Variants in TNFSF11 observed in about 807,000 individuals in gnomAD.
TNFSF11 encodes TNF superfamily member 11.
In TNFSF11, 12 loss-of-function variants were observed where a neutral mutation model predicts 32.2. The ratio of observed to expected loss-of-function variants is 0.37; its 90% confidence interval spans 0.24 to 0.60. The LOEUF (loss-of-function observed/expected upper bound fraction) is 0.60, where lower values mean the gene tolerates loss of function less well. Among genes scored for constraint, TNFSF11 ranks in the 20% least tolerant of loss-of-function variants. TNFSF11 has a pLI of 0.66. For synonymous variants in TNFSF11, 172 were observed against 152.1 expected (o/e 1.13, Z -0.96); for missense variants, 345 against 398.0 (o/e 0.87, Z 1.13).
At chr13:42,565,712 C>G (rs543683032) in intron 1 of TNFSF11, among the ~76,000 whole-genome samples, 1 of 151,884 alleles carries the variant, frequency 6.6e-6, no homozygotes, top group Non-Finnish European at 1.5e-5. Flanking sequence ...TTGTAAAGAG[C>G]CTGGACTTTA....
chr13:42,603,131 T>C (rs765232916), intron 4 of TNFSF11, among the ~76,000 whole-genome samples: 4 of 152,192 alleles, frequency 2.6e-5, no homozygotes, highest in Non-Finnish European at 5.9e-5. Context: ...AATTTGCATG[T>C]TCATTTTGGG....
intron 1 of TNFSF11, among the ~76,000 whole-genome samples, chr13:42,565,211 AATAT>A (rs71696265): frequency 2.5e-4 from 4 of 16,106 alleles, no homozygotes; most frequent in African/African-American, 2.7e-4. Flanking sequence ...TAACTTTTAA[AATAT>A]ATATATATAT....
intron 2 of TNFSF11, among the ~76,000 whole-genome samples, chr13:42,588,305 T>C (rs1594469212): frequency 6.6e-6 from 1 of 152,188 alleles, no homozygotes; most frequent in Non-Finnish European, 1.5e-5. Flanking sequence ...GGGAAGAAGG[T>C]AGGAAGCAGG....
In TNFSF11 at chr13:42,606,555, C is replaced by A. The variant is rs151215329; in HGVS notation, c.591C>A (p.Ser197=). 6.3e-5 allele frequency: 102 copies of A among 1,614,052 alleles called. No homozygotes were observed. The African/African-American group carries it at 1.3e-3, about 21-fold the overall frequency. Residue 197 remains serine (S), a synonymous_variant, in exon 5 of 5, where the codon TCC becomes TCA. Coordinates refer to ENST00000398795, the MANE Select transcript of TNFSF11 (RefSeq NM_003701.4). The part of the protein sequence containing the change: ...WYHDRGWAKI[S]NMTFSNGKLI... Reference sequence around the variant, plus strand: ...ATGATCGGGGTTGGGCCAAGATCTCCAACATGACTTTTAGCAATGGAAAAC... The same window carrying A: ...ATGATCGGGGTTGGGCCAAGATCTCAAACATGACTTTTAGCAATGGAAAAC...
At position 42,580,466 on chromosome 13, in the gene TNFSF11, C is replaced by T. The variant is rs188114358; in HGVS notation, c.220-660C>T. Among the ~76,000 whole-genome samples the T allele has an allele frequency of 1.9e-3, 283 of 152,286 alleles. 1 individual carries two copies. The highest frequency in any genetic ancestry group is 3.3e-3 in the Non-Finnish European group (224 of 68,024). On this transcript the variant is annotated intron_variant, in intron 1 of 4. Transcript: ENST00000398795. ...CCTAACGTGATGACACCAAATATCA[C>T]CTGCATCCATTCCCAAACACCCGCT...
chr13:42,577,066 A>G (rs948470741), intron 1 of TNFSF11, among the ~76,000 whole-genome samples: 2 of 152,192 alleles, frequency 1.3e-5, no homozygotes, highest in Non-Finnish European at 2.9e-5. Flanking sequence ...TTTGATTCCC[A>G]CTAAAGTTGT....
intron 2 of TNFSF11, among the ~76,000 whole-genome samples, chr13:42,581,778 T>C (rs962508246): frequency 1.5e-4 from 23 of 152,186 alleles, no homozygotes; most frequent in African/African-American, 4.8e-4. Context: ...TCATCTGTGG[T>C]GAAGTAGGCA....
At chr13:42,604,943 C>T (rs1362745321) in intron 4 of TNFSF11, among the ~76,000 whole-genome samples, 1 of 152,064 alleles carries the variant, frequency 6.6e-6, no homozygotes, top group East Asian at 1.9e-4. Context: ...GCCACCGCGC[C>T]CAGCTAATTT....
chr13:42,592,215 G>T (rs533373747), intron 2 of TNFSF11, among the ~76,000 whole-genome samples: 1 of 152,278 alleles, frequency 6.6e-6, no homozygotes, highest in South Asian at 2.1e-4. Context: ...GCCCCAACAG[G>T]TTAAAGGCTC....
chr13:42,572,106 T>C (rs571229409), upstream of TNFSF11, among the ~76,000 whole-genome samples: 1 of 152,190 alleles, frequency 6.6e-6, no homozygotes, highest in Non-Finnish European at 1.5e-5. Flanking sequence ...GACAGTGGAG[T>C]ATCTAATACA....
At chr13:42,562,825 G>A (rs1399859200) in exon 1 of TNFSF11, 1 of 152,188 alleles carries the variant, frequency 6.6e-6, no homozygotes, top group Admixed American at 6.5e-5. Flanking sequence ...TGTTTTCACT[G>A]ACAACAAGGC....
intron 2 of TNFSF11, among the ~76,000 whole-genome samples, chr13:42,568,143 C>T (rs1424235828): frequency 6.6e-6 from 1 of 152,242 alleles, no homozygotes; most frequent in Non-Finnish European, 1.5e-5. Context: ...AAATCTCCAT[C>T]CCAATGGAAC....
At position 42,606,927 on chromosome 13, in the gene TNFSF11, T is replaced by G. The variant is rs1384662464; in HGVS notation, c.*9T>G. On this transcript the variant is annotated 3_prime_UTR_variant, in exon 5 of 5. Coordinates refer to ENST00000398795, the MANE Select transcript of TNFSF11 (RefSeq NM_003701.4). Reference sequence around the variant, plus strand: ...TTCGAGATATAGATTGAGCCCCAGTTTTTGGAGTGTTATGTATTTCCTGGA... The same window carrying G: ...TTCGAGATATAGATTGAGCCCCAGTGTTTGGAGTGTTATGTATTTCCTGGA... 3 of 1,613,988 alleles carry G rather than the reference T, an allele frequency of 1.9e-6. No homozygotes were observed. The African/African-American group carries it at 4.0e-5, about 22-fold the overall frequency.
At chr13:42,600,837 G>A (rs777851201) in intron 3 of TNFSF11, 40 bp downstream of exon 3, 3 of 1,614,032 alleles carry the variant, frequency 1.9e-6, no homozygotes, top group Non-Finnish European at 1.7e-6. Flanking sequence ...ATCCCACAGG[G>A]TCACTACTAT....
At chr13:42,572,135 A>G (rs1490276775), upstream of TNFSF11, among the ~76,000 whole-genome samples, 8 of 152,204 alleles carry the variant, frequency 5.3e-5, no homozygotes, top group Non-Finnish European at 1.0e-4. Context: ...AAGCCAGAAG[A>G]TAGTGGGATG....
intron 1 of TNFSF11, among the ~76,000 whole-genome samples, chr13:42,575,379 T>G (rs967233300): frequency 2.0e-5 from 3 of 152,192 alleles, no homozygotes; most frequent in African/African-American, 7.2e-5. Flanking sequence ...TGCTCTTGTG[T>G]TTTCTTGGAA....
At chr13:42,564,437 C>T (rs1429629551) in intron 1 of TNFSF11, among the ~76,000 whole-genome samples, 1 of 151,980 alleles carries the variant, frequency 6.6e-6, no homozygotes, top group Non-Finnish European at 1.5e-5. Flanking sequence ...CGTGGTGGCA[C>T]ATGACTGCAA....
At chr13:42,580,605 C>T (rs1296466887) in intron 1 of TNFSF11, among the ~76,000 whole-genome samples, 1 of 152,082 alleles carries the variant, frequency 6.6e-6, no homozygotes, top group Non-Finnish European at 1.5e-5. Context: ...TTTTTCTCTC[C>T]CTTCTTTGGC....
intron 2 of TNFSF11, among the ~76,000 whole-genome samples, chr13:42,589,751 C>G (rs150256973): frequency 6.6e-6 from 1 of 152,214 alleles, no homozygotes; most frequent in Non-Finnish European, 1.5e-5. Context: ...GGGCAAAGGG[C>G]ATGTCTGTCC....
Sources: gnomAD v4.1 joint callset for allele counts (sites outside exome capture counted in the v4.1 genomes callset) on GRCh38, gnomAD v4.1.1 for gene constraint, MANE v1.5 for transcripts, NCBI Gene and HGNC (gene_info 2026-07-23, HGNC 2026-07-21) for gene names.